The following CLUL1 variants were observed in gnomAD, a reference collection of about 807,000 sequenced individuals.
CLUL1 encodes clusterin-like protein 1.
A neutral mutation model predicts 49.4 loss-of-function variants in CLUL1; 43 were observed. The ratio of observed to expected loss-of-function variants is 0.87; its 90% CI spans 0.68 to 1.12. The LOEUF is 1.12. Ranked by LOEUF, CLUL1 falls within the 50% of genes most tolerant of loss-of-function variation. The pLI, the probability that CLUL1 is intolerant of heterozygous loss-of-function variation, is 0.00. For synonymous variants in CLUL1, 192 were observed against 184.9 expected (o/e 1.04, Z -0.31); for missense variants, 486 against 544.4 (o/e 0.89, Z 1.07).
In CLUL1 at chr18:618,266, G is replaced by A. The variant is rs949014643; in HGVS notation, c.106+160G>A. 2.6e-5 allele frequency among the ~76,000 whole-genome samples: 4 copies of A among 152,112 alleles called. No homozygotes were observed. On this transcript the variant is annotated intron_variant, in intron 3 of 9. Transcript: ENST00000692774. This position sits in a 1 kb window ranked among gnomAD's most constrained non-coding sequence, Gnocchi z 4.2. ...AGGTCATCCTGACGCCAAACATCTG[G>A]GTAAAAATAGAAAATTCCAATCACG...
intron 2 of CLUL1, among the ~76,000 whole-genome samples, chr18:609,672 AAGTT>A (rs2073076020): frequency 6.6e-6 from 1 of 151,972 alleles, no homozygotes; most frequent in African/African-American, 2.4e-5. Context: ...AAAAATAAAA[AAGTT>A]AGCCTGGCAT....
chr18:645,359 A>G (rs2144201180), intron 9 of CLUL1: 1 of 291,338 alleles, frequency 3.4e-6, no homozygotes, highest in East Asian at 5.9e-5. Flanking sequence ...GCATTTTTGA[A>G]AGCTATTTGA....
intron 7 of CLUL1, 105 bp from the exon 8 acceptor site, chr18:641,222 A>C (rs1350919847): frequency 1.1e-6 from 1 of 878,414 alleles, no homozygotes; most frequent in African/African-American, 1.7e-5. Flanking sequence ...TACCACAGGC[A>C]AAAGGGGAAA....
chr18:630,651 A>G (rs2073966139), intron 6 of CLUL1, among the ~76,000 whole-genome samples: 1 of 145,980 alleles, frequency 6.9e-6, no homozygotes, highest in Non-Finnish European at 1.5e-5. Flanking sequence ...AGCCTCCGCA[A>G]AAAACTAGCC....
chr18:639,857 G>A (rs1432867973), intron 7 of CLUL1, among the ~76,000 whole-genome samples: 1 of 152,086 alleles, frequency 6.6e-6, no homozygotes, highest in East Asian at 1.9e-4. Context: ...TATTAATGAA[G>A]GAACCAGCAG....
intron 2 of CLUL1, among the ~76,000 whole-genome samples, chr18:612,186 A>G (rs954400714): frequency 1.3e-5 from 2 of 152,150 alleles, no homozygotes; most frequent in African/African-American, 4.8e-5. Context: ...GCCTTTTAAA[A>G]CCAGTGCATT....
At chr18:649,764 T>A in intron 9 of CLUL1, 134 bp from the exon 10 acceptor site, 1 of 649,756 alleles carries the variant, frequency 1.5e-6, no homozygotes, top group Non-Finnish European at 2.8e-6. Flanking sequence ...CTACATACAG[T>A]ACCAATTTTT....
intron 9 of CLUL1, among the ~76,000 whole-genome samples, chr18:646,696 CCT>C (rs2074518199): frequency 6.6e-6 from 1 of 151,818 alleles, no homozygotes; most frequent in African/African-American, 2.4e-5. Flanking sequence ...CCTCTCTTTT[CCT>C]CTTTCTTCTC....
At chr18:630,627 G>A (rs1361916765) in intron 6 of CLUL1, among the ~76,000 whole-genome samples, 1 of 140,970 alleles carries the variant, frequency 7.1e-6, no homozygotes, top group Non-Finnish European at 1.5e-5. Flanking sequence ...GTATAGAAAT[G>A]AATTCTCCTC....
intron 7 of CLUL1, among the ~76,000 whole-genome samples, chr18:639,457 A>G (rs1343705370): frequency 1.4e-5 from 2 of 139,208 alleles, no homozygotes; most frequent in Non-Finnish European, 3.1e-5. Context: ...AAAAAGCTTC[A>G]TACAAACATG....
intron 2 of CLUL1, chr18:613,221 C>A (rs187985439): frequency 8.5e-6 from 4 of 470,154 alleles, no homozygotes; most frequent in South Asian, 4.2e-5. Context: ...TCACTGCAAC[C>A]TCTACCTCCC....
chr18:611,903 G>T (rs1567957437), intron 2 of CLUL1, among the ~76,000 whole-genome samples: 1 of 152,062 alleles, frequency 6.6e-6, no homozygotes, highest in African/African-American at 2.4e-5. Context: ...CCAGCCAATG[G>T]CCCCCACTAC....
intron 9 of CLUL1, among the ~76,000 whole-genome samples, chr18:647,194 G>A (rs762750421): frequency 6.6e-6 from 1 of 151,624 alleles, no homozygotes; most frequent in Non-Finnish European, 1.5e-5. Context: ...AAAGAGTAGA[G>A]CATCTAGGTA....
chr18:630,269 T>TG (rs2073954144), intron 6 of CLUL1, among the ~76,000 whole-genome samples: 1 of 151,876 alleles, frequency 6.6e-6, no homozygotes, highest in African/African-American at 2.4e-5. Context: ...CCACCATACC[T>TG]GGCTAATTTT....
At position 606,341 on chromosome 18, in the gene CLUL1, C is replaced by T. The variant is rs1473706927; in HGVS notation, c.-135-637C>T. Among the ~76,000 whole-genome samples the T allele has an allele frequency of 6.6e-6, 1 of 152,200 alleles. No individual in the cohort carries two copies. The highest frequency in any genetic ancestry group is 2.4e-5 in the African/African-American group (1 of 41,446). ...CACTGACTCTAGGGGAAAAACAGCACAGGGCAGGAAACGATTTTCCATGTC... is the reference window on the plus strand; with the variant it reads ...CACTGACTCTAGGGGAAAAACAGCATAGGGCAGGAAACGATTTTCCATGTC... On this transcript the variant is annotated intron_variant, in intron 1 of 9. Transcript: ENST00000692774. This position sits in a 1 kb window ranked among gnomAD's most constrained non-coding sequence, Gnocchi z 4.1.
chr18:636,760 G>A (rs1242470955), intron 7 of CLUL1, among the ~76,000 whole-genome samples: 2 of 151,676 alleles, frequency 1.3e-5, no homozygotes, highest in African/African-American at 4.8e-5. Flanking sequence ...CGAGTAGCTG[G>A]GATTACAGGC....
At position 611,185 on chromosome 18, in the gene CLUL1, C is replaced by T. The variant is rs1372562182; in HGVS notation, c.-14+4086C>T. On this transcript the variant is annotated intron_variant, in intron 2 of 9. Transcript: ENST00000692774. ...TGCCACCTATTACAGCTCACCTGCA[C>T]CTTTGCATCTTTCAGAAAGGAGCAC... 3.9e-5 allele frequency among the ~76,000 whole-genome samples: 6 copies of T among 151,972 alleles called. 1 individual carries two copies. The South Asian group carries it at 1.0e-3, about 26-fold the overall frequency.
intron 8 of CLUL1, among the ~76,000 whole-genome samples, chr18:643,339 G>C (rs1366559843): frequency 6.6e-6 from 1 of 152,180 alleles, no homozygotes. Flanking sequence ...GAAAGCCACT[G>C]TTCCAATCCC....
Position 627,167 on chromosome 18 carries a change from C to G in CLUL1, c.494C>G (p.Pro165Arg), listed in dbSNP as rs1396005785. 6.2e-7 allele frequency: 1 copy of G among 1,612,390 alleles called. No homozygotes were observed. The highest frequency in any genetic ancestry group is 8.5e-7 in the Non-Finnish European group (1 of 1,179,032). The change falls in exon 6 of 10, where the codon CCC becomes CGC. Residue 165 changes from proline to arginine, a missense_variant. Physicochemically the swap from Pro to Arg is moderately radical, Grantham distance 103 (BLOSUM62 -2). Transcript: ENST00000692774. ...CATGAAGATAATGAAAAAGATCTCC[C>G]CATCAGTGAAAAGCTCATTGAGGAA... ...PFHEDNEKDL[P>R]ISEKLIEEDA... is the part of the protein sequence containing the mutation.
Sources: allele counts gnomAD v4.1 joint callset (sites outside exome capture counted in the v4.1 genomes callset), GRCh38; gene constraint gnomAD v4.1.1; non-coding constraint Gnocchi (gnomAD v3.1); transcripts MANE v1.5; gene names NCBI Gene and HGNC (gene_info 2026-07-23, HGNC 2026-07-21).